Variants in DACH1 observed in about 807,000 individuals in gnomAD.
The protein encoded by DACH1 is dachshund homolog 1.
A neutral mutation model predicts 54.2 loss-of-function variants in DACH1; 12 were observed. The ratio of observed to expected loss-of-function variants is 0.22; its 90% CI spans 0.14 to 0.36. The LOEUF (loss-of-function observed/expected upper bound fraction) is 0.36, where lower values mean the gene tolerates loss of function less well. DACH1 is among the 10% of genes least tolerant of loss of function. The probability of loss-of-function intolerance (pLI) is 1.00; values close to 1 mark genes in which losing one functional copy is unlikely to be tolerated. For synonymous variants in DACH1, 386 were observed against 366.2 expected, an observed-to-expected ratio of 1.05 and a Z score of -0.62; for missense variants, 805 against 929.8, an observed-to-expected ratio of 0.87 and a Z score of 1.75.
At chr13:71,760,288 C>T (rs1053824371) in intron 1 of DACH1, among the ~76,000 whole-genome samples, 6 of 152,224 alleles carry the variant, frequency 3.9e-5, no homozygotes, top group Admixed American at 1.3e-4. Flanking sequence ...CATGGGAAAG[C>T]GAGAGGCGAA....
At chr13:71,657,281 C>T (rs938737680) in intron 2 of DACH1, among the ~76,000 whole-genome samples, 4 of 151,880 alleles carry the variant, frequency 2.6e-5, no homozygotes, top group South Asian at 4.2e-4. Flanking sequence ...TATAGTGGCT[C>T]ATTTCTGTAA....
At position 71,644,191 on chromosome 13, in the gene DACH1, C is replaced by T. The variant is rs190733875; in HGVS notation, c.965-13474G>A. On this transcript the variant is annotated intron_variant, in intron 2 of 10. Transcript: ENST00000613252. Reference sequence around the variant, plus strand: ...TTAATTAAATGCATTGTAAATAAAACAGTATCTATGTATTATCTGACCTGT... The same window carrying T: ...TTAATTAAATGCATTGTAAATAAAATAGTATCTATGTATTATCTGACCTGT... Among the ~76,000 whole-genome samples, 40 of 152,240 alleles carry T rather than the reference C, an allele frequency of 2.6e-4. No individual in the cohort carries two copies. In the East Asian group the frequency reaches 6.8e-3, roughly 26 times the overall value.
intron 3 of DACH1, among the ~76,000 whole-genome samples, chr13:71,607,126 A>G (rs1874935746): frequency 2.0e-5 from 3 of 152,008 alleles, no homozygotes; most frequent in African/African-American, 4.8e-5. Flanking sequence ...AGGGACAGGA[A>G]AAACTACACA....
intron 1 of DACH1, among the ~76,000 whole-genome samples, chr13:71,754,791 A>T (rs1050621315): frequency 6.6e-6 from 1 of 152,174 alleles, no homozygotes; most frequent in Non-Finnish European, 1.5e-5. Context: ...AACGTAAAAA[A>T]CGCCACTATC....
intron 6 of DACH1, among the ~76,000 whole-genome samples, chr13:71,556,327 A>G (rs570697131): frequency 9.2e-5 from 14 of 152,146 alleles, no homozygotes; most frequent in Admixed American, 3.3e-4. Flanking sequence ...AAGTTAAAAT[A>G]AAAAATAGGT....
intron 1 of DACH1, among the ~76,000 whole-genome samples, chr13:71,728,665 C>A (rs1883594781): frequency 6.6e-6 from 1 of 151,960 alleles, no homozygotes; most frequent in Non-Finnish European, 1.5e-5. Flanking sequence ...AACAGATAAG[C>A]TCATGCTTTT....
chr13:71,635,800 TGA>T (rs1005245435), intron 2 of DACH1, among the ~76,000 whole-genome samples: 4 of 152,132 alleles, frequency 2.6e-5, no homozygotes, highest in Admixed American at 6.6e-5. Context: ...TTTTCTTTTT[TGA>T]GAGAGTCTCA....
At chr13:71,734,033 A>G (rs1341175071) in intron 1 of DACH1, among the ~76,000 whole-genome samples, 1 of 151,900 alleles carries the variant, frequency 6.6e-6, no homozygotes, top group Non-Finnish European at 1.5e-5. Flanking sequence ...TGAGTGGCAG[A>G]GCAACACTCC....
chr13:71,689,891 T>C (rs145929614), intron 1 of DACH1, among the ~76,000 whole-genome samples: 436 of 152,292 alleles, frequency 2.9e-3, no homozygotes, highest in Non-Finnish European at 4.5e-3. Context: ...TCCCCTTTTT[T>C]AGAATATACA....
chr13:71,677,961 G>A (rs963904643), intron 2 of DACH1, among the ~76,000 whole-genome samples: 7 of 152,032 alleles, frequency 4.6e-5, no homozygotes, highest in Non-Finnish European at 7.4e-5. Flanking sequence ...CTCATGATCC[G>A]CCTGTCTCAG....
At chr13:71,668,158 T>C (rs1465002841) in intron 2 of DACH1, among the ~76,000 whole-genome samples, 1 of 151,958 alleles carries the variant, frequency 6.6e-6, no homozygotes, top group Non-Finnish European at 1.5e-5. Context: ...GAACTAAACA[T>C]TTTATTGCCT....
chr13:71,721,700 T>G (rs891028244), intron 1 of DACH1, among the ~76,000 whole-genome samples: 1 of 152,194 alleles, frequency 6.6e-6, no homozygotes, highest in African/African-American at 2.4e-5. Context: ...TGTTTTAACT[T>G]AGGTTTTTAT....
chr13:71,696,417 G>A (rs1367185061), intron 1 of DACH1, among the ~76,000 whole-genome samples: 1 of 152,136 alleles, frequency 6.6e-6, no homozygotes, highest in Non-Finnish European at 1.5e-5. Context: ...ATCACAGACT[G>A]CTAAAGAAGT....
intron 1 of DACH1, among the ~76,000 whole-genome samples, chr13:71,705,764 T>A (rs1882409840): frequency 6.6e-6 from 1 of 152,082 alleles, no homozygotes; most frequent in Non-Finnish European, 1.5e-5. Flanking sequence ...CTTTTTTTTT[T>A]TAGAATCAAG....
In DACH1 at chr13:71,866,539, G is replaced by A. The variant is rs1435535643; in HGVS notation, c.231C>T (p.Gly77=). 1 of 1,246,704 alleles carries A rather than the reference G, an allele frequency of 8.0e-7. No homozygotes were observed. Among genetic ancestry groups the A allele is most frequent in the Non-Finnish European group, 1.0e-6 (1 of 994,410 alleles). 77.2% of individuals were successfully genotyped at this position (1,246,704 alleles called of 1,614,324 possible). ...AATVTSTGGG[G]GGGGSGGGGG... ...CGCCGCCTCCGCTGCCGCCGCCGCC[G>A]CCGCCGCCGCCGGTAGAGGTGACTG... The change falls in exon 1 of 11, where the codon GGC becomes GGT. Residue 77 remains glycine, a synonymous_variant. Coordinates refer to ENST00000613252, the MANE Select transcript of DACH1 (RefSeq NM_080759.6).
intron 1 of DACH1, among the ~76,000 whole-genome samples, chr13:71,825,589 G>A (rs1042435844): frequency 1.3e-5 from 2 of 151,950 alleles, no homozygotes; most frequent in Non-Finnish European, 2.9e-5. Context: ...TTCACTTAGC[G>A]CAATGTTTTC....
intron 1 of DACH1, among the ~76,000 whole-genome samples, chr13:71,827,332 G>A (rs1302791278): frequency 2.0e-5 from 3 of 152,004 alleles, no homozygotes; most frequent in African/African-American, 4.8e-5. Flanking sequence ...GTTATATAAC[G>A]TATTGGCTGC....
intron 3 of DACH1, among the ~76,000 whole-genome samples, chr13:71,595,209 A>T (rs931531411): frequency 6.6e-6 from 1 of 152,084 alleles, no homozygotes; most frequent in African/African-American, 2.4e-5. Flanking sequence ...AGCAATGTTA[A>T]GGAGCCCTGT....
intron 1 of DACH1, among the ~76,000 whole-genome samples, chr13:71,838,402 G>C (rs753826268): frequency 6.6e-6 from 1 of 152,100 alleles, no homozygotes; most frequent in Non-Finnish European, 1.5e-5. Context: ...TTATAAGTGT[G>C]TTCTCTTATT....
Sources: gnomAD v4.1 joint callset for allele counts (sites outside exome capture counted in the v4.1 genomes callset) on GRCh38, gnomAD v4.1.1 for gene constraint, MANE v1.5 for transcripts, NCBI Gene and HGNC (gene_info 2026-07-23, HGNC 2026-07-21) for gene names.